Variants in EIF3B observed in about 807,000 individuals in gnomAD.
The protein encoded by EIF3B is eukaryotic translation initiation factor 3 subunit 9.
EIF3B carries 10 observed loss-of-function variants against 104.6 expected under a neutral mutation model. The ratio of observed to expected loss-of-function variants is 0.10; its 90% confidence interval spans 0.06 to 0.16. EIF3B has a LOEUF of 0.16. EIF3B is among the 10% of genes least tolerant of loss of function. The pLI is 1.00. For synonymous variants in EIF3B, 542 were observed against 417.2 expected (o/e 1.30, Z -3.65); for missense variants, 1,014 against 1,087.9 (o/e 0.93, Z 0.96).
At chr7:2,358,065 G>A (rs941186166) in intron 1 of EIF3B, among the ~76,000 whole-genome samples, 20 of 151,908 alleles carry the variant, frequency 1.3e-4, no homozygotes, top group African/African-American at 3.9e-4. Context: ...AAAATAAAAC[G>A]GCGATTATTT....
rs544810932 is a variant in EIF3B at position 2,375,665 on chromosome 7, A to G, written c.2028+138A>G. 80 of 1,285,060 alleles carry G rather than the reference A, an allele frequency of 6.2e-5. No individual in the cohort carries two copies. In the African/African-American group the frequency reaches 7.9e-4, roughly 13 times the overall value. The allele number at this position is 1,285,060 out of a possible 1,614,324, so 79.6% of individuals were successfully genotyped here. ...TTGAACAGAAGCCTTGGCTGGTGTT[A>G]GTGGCAGGAGGAGGAGGATTCTGGG... is the stretch of plus-strand genomic sequence containing the variant. On this transcript the variant is annotated intron_variant, in intron 14 of 18. Coordinates refer to ENST00000360876, the MANE Select transcript of EIF3B (RefSeq NM_001037283.2).
intron 9 of EIF3B, among the ~76,000 whole-genome samples, chr7:2,368,833 A>G (rs1384741404): frequency 6.6e-6 from 1 of 152,270 alleles, no homozygotes; most frequent in Non-Finnish European, 1.5e-5. Flanking sequence ...CCAACAATCC[A>G]AGGACATTGA....
intron 8 of EIF3B, 109 bp downstream of exon 8, chr7:2,366,700 C>T (rs922429370): frequency 1.6e-6 from 2 of 1,277,856 alleles, no homozygotes; most frequent in African/African-American, 1.5e-5. Flanking sequence ...TTCACAGATG[C>T]ATAGGAAAGG....
chr7:2,373,760 G>A (rs1221097130), intron 12 of EIF3B: 3 of 152,224 alleles, frequency 2.0e-5, no homozygotes, highest in Admixed American at 1.3e-4. Context: ...AACATGCTGC[G>A]TGACACGCCT....
chr7:2,369,183 G>A (rs978129678), intron 9 of EIF3B, among the ~76,000 whole-genome samples: 30 of 152,178 alleles, frequency 2.0e-4, no homozygotes, highest in African/African-American at 5.1e-4. Context: ...GTGGGCTGAC[G>A]GAGCCCAGGC....
intron 6 of EIF3B, among the ~76,000 whole-genome samples, chr7:2,365,675 G>T (rs62444165): frequency 0.62 from 68,316 of 110,118 alleles, 17,192 homozygotes; most frequent in East Asian, 0.77. Flanking sequence ...TTGTTTGTTT[G>T]TTTTGTTTTT....
intron 1 of EIF3B, among the ~76,000 whole-genome samples, chr7:2,359,225 A>G (rs1468007278): frequency 2.0e-5 from 3 of 151,732 alleles, no homozygotes; most frequent in East Asian, 3.8e-4. Flanking sequence ...AAACCCTTGT[A>G]ATTTCCAAAG....
At chr7:2,367,204 C>T (rs1297595155) in intron 9 of EIF3B, 159 bp downstream of exon 9, 2 of 661,602 alleles carry the variant, frequency 3.0e-6, no homozygotes, top group Non-Finnish European at 5.0e-6. Context: ...GTCAGGGTGC[C>T]TGCAGACTGT....
intron 7 of EIF3B, 27 bp downstream of exon 7, chr7:2,366,475 G>A (rs773189958): frequency 1.2e-6 from 2 of 1,614,102 alleles, no homozygotes; most frequent in Non-Finnish European, 1.7e-6. Context: ...AACGAGCTCT[G>A]TAGCCTTTGT....
rs770529015 is a variant in EIF3B, at chr7:2,369,694, C to G, written c.1614+12C>G. The G allele has an allele frequency of 5.0e-6, 8 of 1,611,486 alleles. No homozygotes were observed. In the South Asian group the frequency reaches 6.6e-5, roughly 13 times the overall value. On this transcript the variant is annotated intron_variant, in intron 10 of 18. Coordinates refer to ENST00000360876, the MANE Select transcript of EIF3B (RefSeq NM_001037283.2). ...CGAAAGGCACCCAGGTATGTAGATT[C>G]CCACAGGAACTGACGATTCCTTATC...
chr7:2,380,220 G>C lies in EIF3B; in HGVS notation c.*31G>C. Reference sequence around the variant, plus strand: ...TCTATCCAGGGGACGGACTCCGCCTGCTGTTCCCGCGCTGAGCTACAGGAC... The same window carrying C: ...TCTATCCAGGGGACGGACTCCGCCTCCTGTTCCCGCGCTGAGCTACAGGAC... On this transcript the variant is annotated 3_prime_UTR_variant, in exon 19 of 19. Transcript: ENST00000360876. 2.5e-6 allele frequency: 1 copy of C among 399,762 alleles called. No homozygotes were observed. The highest frequency in any genetic ancestry group is 5.0e-6 in the Non-Finnish European group (1 of 199,304). The allele number at this position is 399,762 out of a possible 1,614,324, so 24.8% of individuals were successfully genotyped here.
At chr7:2,355,517 A>T (rs1211661114) in intron 1 of EIF3B, 97 bp downstream of exon 1, 1 of 1,383,002 alleles carries the variant, frequency 7.2e-7, no homozygotes, top group East Asian at 2.9e-5. Context: ...CGGTTCGTGC[A>T]GAAGTTCCAG....
At chr7:2,369,763 GGATTTT>G in intron 10 of EIF3B, 81 bp downstream of exon 10, 1 of 632,190 alleles carries the variant, frequency 1.6e-6, no homozygotes, top group African/African-American at 2.2e-5. Flanking sequence ...GGGTGTTAAT[GGATTTT>G]TTTTTTTTTT....
intron 9 of EIF3B, among the ~76,000 whole-genome samples, chr7:2,367,976 G>C (rs897527059): frequency 5.3e-5 from 8 of 151,512 alleles, no homozygotes; most frequent in Non-Finnish European, 1.0e-4. Context: ...CCAAGTAGCT[G>C]GGACTGCAGG....
At position 2,354,827 on chromosome 7, in the gene EIF3B, A is replaced by G. The variant is rs1052877552; in HGVS notation, c.-95A>G. ...GGTGCGGCCTCCCCGTCGCACGCACATGGCTGGGCTGTAGCCGTCGCGGCG... is the reference window on the plus strand; with the variant it reads ...GGTGCGGCCTCCCCGTCGCACGCACGTGGCTGGGCTGTAGCCGTCGCGGCG... On this transcript the variant is annotated 5_prime_UTR_variant, in exon 1 of 19. An upstream start codon of the reference 5' UTR is lost. Coordinates refer to ENST00000360876, the MANE Select transcript of EIF3B (RefSeq NM_001037283.2). 17 of 1,024,576 alleles carry G rather than the reference A, an allele frequency of 1.7e-5. No homozygotes were observed. Among genetic ancestry groups the G allele is most frequent in the East Asian group, 8.2e-5 (1 of 12,214 alleles). The allele number at this position is 1,024,576 out of a possible 1,614,324, so 63.5% of individuals were successfully genotyped here.
At chr7:2,374,484 T>G in intron 12 of EIF3B, 44 bp from the exon 13 acceptor site, 1 of 1,601,800 alleles carries the variant, frequency 6.2e-7, no homozygotes, top group Non-Finnish European at 8.5e-7. Flanking sequence ...CCCGGCACTG[T>G]GGAAGCCCTC....
At chr7:2,379,811 T>C (rs1354488807) in intron 18 of EIF3B, 16 of 397,260 alleles carry the variant, frequency 4.0e-5, no homozygotes, top group Non-Finnish European at 2.8e-5. Context: ...GGCCATTTCC[T>C]GATACCTGTG....
upstream of EIF3B, chr7:2,354,793 C>CGCG (rs3216988): frequency 0.26 from 238,889 of 934,662 alleles, 31,717 homozygotes; most frequent in South Asian, 0.4. Context: ...CCCCCCGCCC[C>CGCG]GCGGCCTTGG....
At chr7:2,374,348 A>G (rs986952412) in intron 12 of EIF3B, 180 bp from the exon 13 acceptor site, 4 of 543,800 alleles carry the variant, frequency 7.4e-6, no homozygotes, top group Admixed American at 2.9e-5. Context: ...CATTTAAAGT[A>G]TGGATCATGA....
Sources: allele counts gnomAD v4.1 joint callset (sites outside exome capture counted in the v4.1 genomes callset), GRCh38; gene constraint gnomAD v4.1.1; transcripts MANE v1.5; gene names NCBI Gene and HGNC (gene_info 2026-07-23, HGNC 2026-07-21).